OR5H2: variants seen among roughly 807,000 people sequenced by gnomAD.
The protein encoded by OR5H2 is olfactory receptor 5H2.
For missense variants in OR5H2, 391 were observed against 364.4 expected, an observed-to-expected ratio of 1.07 and a Z score of -0.59; for synonymous variants, 132 against 126.8, an observed-to-expected ratio of 1.04 and a Z score of -0.27.
rs999981117 is a variant in OR5H2 at position 98,282,891 on chromosome 3, T to G, written c.-12T>G. Reference sequence around the variant, plus strand: ...TTTACTGCATTTCATTTCAGGGATGTCGAATGAGGACATGGAACAGGATAA... The same window carrying G: ...TTTACTGCATTTCATTTCAGGGATGGCGAATGAGGACATGGAACAGGATAA... On this transcript the variant is annotated 5_prime_UTR_variant, in exon 1 of 1. Coordinates refer to ENST00000355273, the MANE Select transcript of OR5H2 (RefSeq NM_001005482.2). The G allele has an allele frequency of 6.8e-6, 11 of 1,612,194 alleles. No homozygotes were observed. Among genetic ancestry groups the G allele is most frequent in the Non-Finnish European group, 9.3e-6 (11 of 1,178,964 alleles).
At position 98,283,623 on chromosome 3, in the gene OR5H2, T is replaced by G. The variant is rs1706163313; in HGVS notation, c.721T>G (p.Cys241Gly). The G allele has an allele frequency of 1.2e-6, 2 of 1,613,678 alleles. No homozygotes were observed. Among genetic ancestry groups the G allele is most frequent in the African/African-American group, 2.7e-5 (2 of 75,010 alleles). The change falls in exon 1 of 1, where the codon TGT becomes GGT. Residue 241 changes from cysteine to glycine, a missense_variant. Physicochemically the swap from Cys to Gly is radical, Grantham distance 159. Transcript: ENST00000355273. The part of the protein sequence containing the change: ...VRGVRKAFST[C>G]GAHLLSVSLY... ...AGGCGTAAGGAAAGCCTTTTCCACC[T>G]GTGGAGCCCATCTCTTATCTGTCTC...
At position 98,282,711 on chromosome 3, in the gene OR5H2, C is replaced by T. The variant is rs962895363; in HGVS notation, c.-192C>T. On this transcript the variant is annotated 5_prime_UTR_variant, in exon 1 of 1. Coordinates refer to ENST00000355273, the MANE Select transcript of OR5H2 (RefSeq NM_001005482.2). Reference sequence around the variant, plus strand: ...CACATTTTTAGAATTAAAATAATTGCATTTATTTTGATTTCTTATATTTCC... The same window carrying T: ...CACATTTTTAGAATTAAAATAATTGTATTTATTTTGATTTCTTATATTTCC... 6.6e-5 allele frequency among the ~76,000 whole-genome samples: 10 copies of T among 152,128 alleles called. No homozygotes were observed. Among genetic ancestry groups the T allele is most frequent in the African/African-American group, 2.4e-4 (10 of 41,436 alleles).
rs776673040 is a variant in OR5H2 at position 98,283,055 on chromosome 3, T to C, written c.153T>C (p.Asn51=). 1 of 1,614,108 alleles carries C rather than the reference T, an allele frequency of 6.2e-7. No homozygotes were observed. The highest frequency in any genetic ancestry group is 1.1e-5 in the South Asian group (1 of 91,082). The change falls in exon 1 of 1, where the codon AAT becomes AAC. Residue 51 remains asparagine (N), a synonymous_variant. Transcript: ENST00000355273. ...TTGGTCTGATTGCTCTTATCTGGAA[T>C]GACCCACAACTTCACATCCCCATGT... ...WNLGLIALIW[N]DPQLHIPMYF...
Position 98,283,468 on chromosome 3 carries a change from G to C in OR5H2, c.566G>C (p.Cys189Ser). ...CDIIPLFMIS[C>S]TDPSINFLMV... ...ATTATACCACTGTTTATGATTTCCTGTACTGACCCTTCTATTAATTTTCTA... is the reference window on the plus strand; with the variant it reads ...ATTATACCACTGTTTATGATTTCCTCTACTGACCCTTCTATTAATTTTCTA... The change falls in exon 1 of 1, where the codon TGT becomes TCT. Residue 189 changes from cysteine (C) to serine (S), a missense_variant. Cys to Ser is a moderately radical substitution (Grantham distance 112, BLOSUM62 -1). Transcript: ENST00000355273. 1 of 1,612,102 alleles carries C rather than the reference G, an allele frequency of 6.2e-7. No individual in the cohort carries two copies. The highest frequency in any genetic ancestry group is 8.5e-7 in the Non-Finnish European group (1 of 1,179,438).
At position 98,282,939 on chromosome 3, in the gene OR5H2, G is replaced by A. The variant is rs186180161; in HGVS notation, c.37G>A (p.Val13Ile). Residue 13 changes from valine (V) to isoleucine (I), a missense_variant, in exon 1 of 1, where the codon GTT (valine) becomes ATT (isoleucine). Transcript: ENST00000355273. Reference sequence around the variant, plus strand: ...TAATACAACATTGCTGACAGAGTTTGTTCTCACAGGACTTACATATCAGCC... The same window carrying A: ...TAATACAACATTGCTGACAGAGTTTATTCTCACAGGACTTACATATCAGCC... ...QDNTTLLTEF[V>I]LTGLTYQPEW... The A allele has an allele frequency of 1.2e-5, 20 of 1,613,934 alleles. No individual in the cohort carries two copies. In the East Asian group the frequency reaches 4.0e-4, roughly 32 times the overall value.
chr3:98,283,497 G>T lies in OR5H2; in HGVS notation c.595G>T (p.Val199Phe). The T allele has an allele frequency of 1.2e-6, 2 of 1,612,526 alleles. No homozygotes were observed. The highest frequency in any genetic ancestry group is 1.7e-6 in the Non-Finnish European group (2 of 1,179,654). ...CTDPSINFLM[V>F]FILSGSIQVF... ...TGACCCTTCTATTAATTTTCTAATG[G>T]TTTTTATTTTGTCTGGCTCAATTCA... The change falls in exon 1 of 1, where the codon GTT becomes TTT. Residue 199 changes from valine to phenylalanine, a missense_variant. Physicochemically the swap from Val to Phe is conservative, Grantham distance 50 (BLOSUM62 -1). Coordinates refer to ENST00000355273, the MANE Select transcript of OR5H2 (RefSeq NM_001005482.2).
At position 98,283,067 on chromosome 3, in the gene OR5H2, T is replaced by C; in HGVS notation, c.165T>C (p.Leu55=). 1.9e-6 allele frequency: 3 copies of C among 1,614,086 alleles called. No individual in the cohort carries two copies. The highest frequency in any genetic ancestry group is 2.5e-6 in the Non-Finnish European group (3 of 1,179,954). The change falls in exon 1 of 1, where the codon CTT becomes CTC. Residue 55 remains leucine, a synonymous_variant. Coordinates refer to ENST00000355273, the MANE Select transcript of OR5H2 (RefSeq NM_001005482.2). ...LIALIWNDPQ[L]HIPMYFFLGS... Reference sequence around the variant, plus strand: ...CTCTTATCTGGAATGACCCACAACTTCACATCCCCATGTACTTTTTTCTTG... The same window carrying C: ...CTCTTATCTGGAATGACCCACAACTCCACATCCCCATGTACTTTTTTCTTG...
At position 98,283,271 on chromosome 3, in the gene OR5H2, T is replaced by C; in HGVS notation, c.369T>C (p.Tyr123=). 6.2e-7 allele frequency: 1 copy of C among 1,613,914 alleles called. No homozygotes were observed. Among genetic ancestry groups the C allele is most frequent in the Non-Finnish European group, 8.5e-7 (1 of 1,179,894 alleles). ...TGGCAACAATGGCATATGATCGCTATGTAGCCATATGCAAACCTTTACTAT... is the reference window on the plus strand; with the variant it reads ...TGGCAACAATGGCATATGATCGCTACGTAGCCATATGCAAACCTTTACTAT... ...FLLATMAYDR[Y]VAICKPLLYP... is the part of the protein sequence containing the mutation. Residue 123 remains tyrosine, a synonymous_variant, in exon 1 of 1, where the codon TAT becomes TAC. Transcript: ENST00000355273.
Position 98,284,019 on chromosome 3 carries a change from T to A in OR5H2, c.*187T>A, listed in dbSNP as rs2107407604. Among the ~76,000 whole-genome samples the A allele has an allele frequency of 6.6e-6, 1 of 152,276 alleles. No individual in the cohort carries two copies. The highest frequency in any genetic ancestry group is 2.4e-5 in the African/African-American group (1 of 41,586). On this transcript the variant is annotated 3_prime_UTR_variant, in exon 1 of 1. Coordinates refer to ENST00000355273, the MANE Select transcript of OR5H2 (RefSeq NM_001005482.2). Reference sequence around the variant, plus strand: ...CAAAAGCATCCAAGGAATTTTAACCTGGTGTTCATGTTATATTAGATAATT... The same window carrying A: ...CAAAAGCATCCAAGGAATTTTAACCAGGTGTTCATGTTATATTAGATAATT...
chr3:98,283,326 A>G lies in OR5H2; in HGVS notation c.424A>G (p.Ile142Val). ...AGTGATTATGAACAATTCACTATGC[A>G]TACGGCTGTTAGCCTTCTCATTTTT... ...YPVIMNNSLC[I>V]RLLAFSFLGG... Residue 142 changes from isoleucine to valine, a missense_variant, in exon 1 of 1, where the codon ATA (isoleucine) becomes GTA (valine). Ile to Val is a conservative substitution (Grantham distance 29). Transcript: ENST00000355273. 6.2e-7 allele frequency: 1 copy of G among 1,613,428 alleles called. No homozygotes were observed. The highest frequency in any genetic ancestry group is 8.5e-7 in the Non-Finnish European group (1 of 1,179,860).
chr3:98,282,801 T>C lies in OR5H2; in HGVS notation c.-102T>C. 1.0e-6 allele frequency: 1 copy of C among 974,374 alleles called. No homozygotes were observed. The allele number at this position is 974,374 out of a possible 1,614,324, so 60.4% of individuals were successfully genotyped here. A position where few individuals can be genotyped will look rare whatever the true frequency, so the allele number is the denominator to read the frequency against. On this transcript the variant is annotated 5_prime_UTR_variant, in exon 1 of 1. An upstream start codon of the reference 5' UTR is lost. Transcript: ENST00000355273. ...TTAAAAGGGTATTGTAATAAGAGTA[T>C]GTTTTTCTATCAACTTCCCTCCCCC...
rs377540262 is a variant in OR5H2 at position 98,282,946 on chromosome 3, C to T, written c.44C>T (p.Thr15Ile). Residue 15 changes from threonine to isoleucine, a missense_variant, in exon 1 of 1, where the codon ACA becomes ATA. Physicochemically the swap from Thr to Ile is moderately conservative, Grantham distance 89. Transcript: ENST00000355273. ...NTTLLTEFVL[T>I]GLTYQPEWKM... ...ACATTGCTGACAGAGTTTGTTCTCA[C>T]AGGACTTACATATCAGCCAGAGTGG... 3 of 1,613,846 alleles carry T rather than the reference C, an allele frequency of 1.9e-6. No homozygotes were observed. The highest frequency in any genetic ancestry group is 2.5e-6 in the Non-Finnish European group (3 of 1,179,898).
At position 98,283,849 on chromosome 3, in the gene OR5H2, T is replaced by A. The variant is rs761705065; in HGVS notation, c.*17T>A. 7.3e-7 allele frequency: 1 copy of A among 1,375,384 alleles called. No homozygotes were observed. The highest frequency in any genetic ancestry group is 2.3e-5 in the East Asian group (1 of 42,614). The allele number at this position is 1,375,384 out of a possible 1,614,324, so 85.2% of individuals were successfully genotyped here. On this transcript the variant is annotated 3_prime_UTR_variant, in exon 1 of 1. Coordinates refer to ENST00000355273, the MANE Select transcript of OR5H2 (RefSeq NM_001005482.2). Reference sequence around the variant, plus strand: ...AATGTTTAGATTTCATAGTGATATCTCTCATTTTCAGTAAAAAGAATTTTG... The same window carrying A: ...AATGTTTAGATTTCATAGTGATATCACTCATTTTCAGTAAAAAGAATTTTG...
Position 98,283,162 on chromosome 3 carries a change from C to A in OR5H2, c.260C>A (p.Ala87Asp). 6.2e-7 allele frequency: 1 copy of A among 1,613,862 alleles called. No individual in the cohort carries two copies. Among genetic ancestry groups the A allele is most frequent in the Non-Finnish European group, 8.5e-7 (1 of 1,179,894 alleles). Residue 87 changes from alanine to aspartate, a missense_variant, in exon 1 of 1, where the codon GCC becomes GAC. Coordinates refer to ENST00000355273, the MANE Select transcript of OR5H2 (RefSeq NM_001005482.2). ...CCCAAAATGTTGGTTAATTTCTTGG[C>A]CAAAAACAGGATGATATCTCTGTCT... ...VTPKMLVNFL[A>D]KNRMISLSEC... is the part of the protein sequence containing the mutation.
Position 98,283,911 on chromosome 3 carries a change from A to T in OR5H2, c.*79A>T, listed in dbSNP as rs113500488. On this transcript the variant is annotated 3_prime_UTR_variant, in exon 1 of 1. Transcript: ENST00000355273. ...GGTGTTTTGCTAAGTGTTCAAAGTT[A>T]TTGTAAATATAATTGTTTTAGCATT... 136 of 729,060 alleles carry T rather than the reference A, an allele frequency of 1.9e-4. 1 individual carries two copies. In the African/African-American group the frequency reaches 2.0e-3, roughly 11 times the overall value. The allele number at this position is 729,060 out of a possible 1,614,324, so 45.2% of individuals were successfully genotyped here.
At position 98,283,081 on chromosome 3, in the gene OR5H2, A is replaced by T; in HGVS notation, c.179A>T (p.Tyr60Phe). 1 of 1,614,030 alleles carries T rather than the reference A, an allele frequency of 6.2e-7. No individual in the cohort carries two copies. Among genetic ancestry groups the T allele is most frequent in the East Asian group, 2.2e-5 (1 of 44,874 alleles). ...WNDPQLHIPMYFFLGSLAFVD... is the reference protein window; with the variant it reads ...WNDPQLHIPMFFFLGSLAFVD... ...GACCCACAACTTCACATCCCCATGT[A>T]CTTTTTTCTTGGGAGTTTAGCCTTT... The change falls in exon 1 of 1, where the codon TAC becomes TTC. Residue 60 changes from tyrosine (Y) to phenylalanine (F), a missense_variant. Physicochemically the swap from Tyr to Phe is conservative, Grantham distance 22. Coordinates refer to ENST00000355273, the MANE Select transcript of OR5H2 (RefSeq NM_001005482.2).
chr3:98,282,856 C>T lies in OR5H2; in HGVS notation c.-47C>T, dbSNP rs1265295568. 1 of 1,553,198 alleles carries T rather than the reference C, an allele frequency of 6.4e-7. No individual in the cohort carries two copies. The highest frequency in any genetic ancestry group is 8.9e-7 in the Non-Finnish European group (1 of 1,128,036). ...TTTGCTGTATAAGTCTTAGTGAATG[C>T]TCTTTTACATTTACTGCATTTCATT... On this transcript the variant is annotated 5_prime_UTR_variant, in exon 1 of 1. Transcript: ENST00000355273.
In OR5H2 at chr3:98,282,976, T is replaced by C. The variant is rs1310908786; in HGVS notation, c.74T>C (p.Met25Thr). The change falls in exon 1 of 1, where the codon ATG becomes ACG. Residue 25 changes from methionine to threonine, a missense_variant. Transcript: ENST00000355273. The part of the protein sequence containing the change: ...TGLTYQPEWK[M>T]PLFLVFLVIY... The stretch of plus-strand genomic sequence containing the variant: ...CTTACATATCAGCCAGAGTGGAAAA[T>C]GCCCCTGTTCTTGGTGTTCTTGGTG... 1 of 1,613,984 alleles carries C rather than the reference T, an allele frequency of 6.2e-7. No individual in the cohort carries two copies. The highest frequency in any genetic ancestry group is 2.2e-5 in the East Asian group (1 of 44,866).
chr3:98,283,387 T>A lies in OR5H2; in HGVS notation c.485T>A (p.Leu162His), dbSNP rs371290990. The change falls in exon 1 of 1, where the codon CTT (leucine) becomes CAT (histidine). Residue 162 changes from leucine (L) to histidine (H), a missense_variant. Transcript: ENST00000355273. ...GFLHALIHEV[L>H]IFRLTFCNSN... ...CTCCATGCCTTAATTCATGAAGTCC[T>A]TATATTCAGATTAACCTTCTGCAAT... 5.6e-5 allele frequency: 91 copies of A among 1,611,224 alleles called. No individual in the cohort carries two copies. The highest frequency in any genetic ancestry group is 7.3e-5 in the Non-Finnish European group (86 of 1,179,364).
Sources: gnomAD v4.1 joint callset for allele counts (sites outside exome capture counted in the v4.1 genomes callset) on GRCh38, gnomAD v4.1.1 for gene constraint, MANE v1.5 for transcripts, NCBI Gene and HGNC (gene_info 2026-07-23, HGNC 2026-07-21) for gene names.